The following KCNH4 variants were observed in gnomAD, a reference collection of about 807,000 sequenced individuals.
KCNH4 encodes the protein voltage-gated delayed rectifier potassium channel KCNH4.
KCNH4 carries 33 observed loss-of-function variants against 90.7 expected under a neutral mutation model. The observed-to-expected ratio is 0.36, with a 90% CI of 0.28 to 0.49. The LOEUF (loss-of-function observed/expected upper bound fraction) is 0.49, where lower values mean the gene tolerates loss of function less well. Among genes scored for constraint, KCNH4 ranks in the 20% least tolerant of loss-of-function variants. The pLI is 0.98. For missense variants in KCNH4, 1,044 were observed against 1,387.1 expected (o/e 0.75, Z 3.93); for synonymous variants, 551 against 581.7 (o/e 0.95, Z 0.76).
At chr17:42,168,623 G>A (rs931267359) in intron 9 of KCNH4, among the ~76,000 whole-genome samples, 6 of 151,922 alleles carry the variant, frequency 3.9e-5, no homozygotes, top group Non-Finnish European at 7.4e-5. Context: ...CAGCGTGGGC[G>A]ACAGAGCAAG....
chr17:42,166,462 C>G lies in KCNH4; in HGVS notation c.1675G>C (p.Ala559Pro). 1 of 1,614,104 alleles carries G rather than the reference C, an allele frequency of 6.2e-7. No homozygotes were observed. The highest frequency in any genetic ancestry group is 8.5e-7 in the Non-Finnish European group (1 of 1,179,986). ...REILQLPLFG[A>P]ASRGCLRALS... is the part of the protein sequence containing the mutation. ...GCCCGCAGGCAGCCCCTGCTCGCTG[C>G]CCCGAACAACGGCAGCTGCAGGATC... The change falls in exon 10 of 17, where the codon GCA (alanine) becomes CCA (proline). Residue 559 changes from alanine to proline, a missense_variant. Ala to Pro is a conservative substitution (Grantham distance 27, BLOSUM62 -1). This residue lies in a region of KCNH4 where 318 missense variants were observed against 479.6 expected (regional missense o/e 0.66). Transcript: ENST00000264661.
intron 2 of KCNH4, 38 bp downstream of exon 2, chr17:42,178,755 G>T: frequency 1.3e-6 from 2 of 1,555,674 alleles, no homozygotes; most frequent in Non-Finnish European, 8.8e-7. Flanking sequence ...AAGGCTAGGG[G>T]TCTAGGCAGA....
intron 1 of KCNH4, among the ~76,000 whole-genome samples, chr17:42,179,318 T>C (rs2079885723): frequency 6.6e-6 from 1 of 152,226 alleles, no homozygotes; most frequent in Non-Finnish European, 1.5e-5. Flanking sequence ...GCTGTCACTG[T>C]AGAAGGCAGT....
rs139637101 is a variant in KCNH4, at chr17:42,164,185, G to A, written c.2086-17C>T. Reference sequence around the variant, plus strand: ...GCTGAGGCCCTGTGGGGACATAGGAGAGTTCAAGCTGATTCCTGCCTTCCC... The same window carrying A: ...GCTGAGGCCCTGTGGGGACATAGGAAAGTTCAAGCTGATTCCTGCCTTCCC... On this transcript the variant is annotated splice_polypyrimidine_tract_variant and intron_variant, in intron 11 of 16. Coordinates refer to ENST00000264661, the MANE Select transcript of KCNH4 (RefSeq NM_012285.3). The A allele has an allele frequency of 1.3e-6, 2 of 1,540,356 alleles. No individual in the cohort carries two copies. The highest frequency in any genetic ancestry group is 1.8e-6 in the Non-Finnish European group (2 of 1,140,340).
At chr17:42,160,794 G>A (rs1224807598) in intron 15 of KCNH4, among the ~76,000 whole-genome samples, 2 of 152,170 alleles carry the variant, frequency 1.3e-5, no homozygotes, top group African/African-American at 2.4e-5. Context: ...ACACTTCAGC[G>A]ACTAGAGAAT....
At chr17:42,174,569 G>A (rs567643874) in intron 6 of KCNH4, among the ~76,000 whole-genome samples, 1 of 152,272 alleles carries the variant, frequency 6.6e-6, no homozygotes, top group East Asian at 1.9e-4. Flanking sequence ...CCCACAGCCC[G>A]TTGGCGGCTA....
In KCNH4 at chr17:42,176,122, TC is replaced by T; in HGVS notation, c.760del (p.Asp254MetfsTer23). On this transcript the variant is annotated frameshift_variant, in exon 5 of 17. Coordinates refer to ENST00000264661, the MANE Select transcript of KCNH4 (RefSeq NM_012285.3). LOFTEE classifies it high-confidence loss of function. Reference sequence around the variant, plus strand: ...GTGTCGCGAAGTGATGGGGGTGTCATCGTCACCCGAGAAACAGACATTGTAG... The same window carrying T: ...GTGTCGCGAAGTGATGGGGGTGTCATGTCACCCGAGAAACAGACATTGTAG... ...VPYNVCFSGD[D>X]DTPITSRHTL... The T allele has an allele frequency of 6.2e-7, 1 of 1,613,562 alleles. No individual in the cohort carries two copies. Among genetic ancestry groups the T allele is most frequent in the Non-Finnish European group, 8.5e-7 (1 of 1,179,730 alleles).
intron 16 of KCNH4, among the ~76,000 whole-genome samples, chr17:42,159,147 C>A (rs2079728268): frequency 1.3e-5 from 2 of 152,188 alleles, no homozygotes; most frequent in Admixed American, 6.5e-5. Flanking sequence ...CCTGCCTCAG[C>A]CTCCCGAGTA....
Position 42,180,960 on chromosome 17 carries a change from G to A in KCNH4, c.-15C>T, listed in dbSNP as rs1598280515. 6.2e-7 allele frequency: 1 copy of A among 1,609,862 alleles called. No individual in the cohort carries two copies. ...ATGACCGGCATGGCCCCGGGGCGTG[G>A]GTTCAAGGCGCGGCGCTGGGGAGCT... On this transcript the variant is annotated 5_prime_UTR_variant, in exon 1 of 17. Coordinates refer to ENST00000264661, the MANE Select transcript of KCNH4 (RefSeq NM_012285.3). The surrounding 1 kb of genome is among the most constrained non-coding windows in gnomAD (Gnocchi z 4.7).
Position 42,163,137 on chromosome 17 carries a change from G to T in KCNH4, c.2584+91C>A. ...TCTGTGTATTCCCAGGATGGCACCT[G>T]GCACATGGTAGGCCCCTACTACATA... On this transcript the variant is annotated intron_variant, in intron 14 of 16. Coordinates refer to ENST00000264661, the MANE Select transcript of KCNH4 (RefSeq NM_012285.3). The surrounding 1 kb of genome is among the most constrained non-coding windows in gnomAD (Gnocchi z 5.4). 1.1e-6 allele frequency: 1 copy of T among 884,120 alleles called. No homozygotes were observed. The highest frequency in any genetic ancestry group is 1.4e-5 in the South Asian group (1 of 71,458). The allele number at this position is 884,120 out of a possible 1,614,324, so 54.8% of individuals were successfully genotyped here.
Position 42,164,187 on chromosome 17 carries a change from G to A in KCNH4, c.2086-19C>T. 1.3e-6 allele frequency: 2 copies of A among 1,534,958 alleles called. No individual in the cohort carries two copies. Among genetic ancestry groups the A allele is most frequent in the Non-Finnish European group, 1.8e-6 (2 of 1,137,126 alleles). On this transcript the variant is annotated intron_variant, in intron 11 of 16. Transcript: ENST00000264661. ...TGAGGCCCTGTGGGGACATAGGAGA[G>A]TTCAAGCTGATTCCTGCCTTCCCGC...
rs774341470 is a variant in KCNH4, at chr17:42,180,833, A to G, written c.76+37T>C. The G allele has an allele frequency of 1.2e-6, 2 of 1,601,464 alleles. No homozygotes were observed. Among genetic ancestry groups the G allele is most frequent in the Non-Finnish European group, 1.7e-6 (2 of 1,169,030 alleles). ...ACGGCCCCGAGGATACTTGCCCCCC[A>G]GCTCGAACCTCAAGCCCCGACCTCC... On this transcript the variant is annotated intron_variant, in intron 1 of 16. Coordinates refer to ENST00000264661, the MANE Select transcript of KCNH4 (RefSeq NM_012285.3). The surrounding 1 kb of genome is among the most constrained non-coding windows in gnomAD (Gnocchi z 4.7).
intron 5 of KCNH4, 103 bp downstream of exon 5, chr17:42,175,951 G>A: frequency 7.3e-7 from 1 of 1,366,532 alleles, no homozygotes; most frequent in Non-Finnish European, 1.0e-6. Context: ...GAAAGGAAGG[G>A]GCTCTGAATG....
At position 42,180,358 on chromosome 17, in the gene KCNH4, G is replaced by C. The variant is rs1429949138; in HGVS notation, c.76+512C>G. On this transcript the variant is annotated intron_variant, in intron 1 of 16. Transcript: ENST00000264661. This position sits in a 1 kb window ranked among gnomAD's most constrained non-coding sequence, Gnocchi z 4.7. ...GGGAGTTCCCACCGTCGCACAGACC[G>C]CTCCCCTCCTCCTGCCTCACCCACC... is the stretch of plus-strand genomic sequence containing the variant. Among the ~76,000 whole-genome samples, 3 of 152,124 alleles carry C rather than the reference G, an allele frequency of 2.0e-5. No homozygotes were observed. The highest frequency in any genetic ancestry group is 4.4e-5 in the Non-Finnish European group (3 of 68,022).
intron 11 of KCNH4, among the ~76,000 whole-genome samples, chr17:42,165,236 G>C (rs1482936628): frequency 6.6e-6 from 1 of 152,044 alleles, no homozygotes; most frequent in Non-Finnish European, 1.5e-5. Context: ...GGAGTAGATG[G>C]CGATGAGAGA....
At chr17:42,168,190 C>A (rs1203728841) in intron 9 of KCNH4, among the ~76,000 whole-genome samples, 1 of 152,174 alleles carries the variant, frequency 6.6e-6, no homozygotes, top group Non-Finnish European at 1.5e-5. Flanking sequence ...TCCCTCAATA[C>A]TCTGGGTCTC....
chr17:42,161,753 C>T (rs2079750070), intron 15 of KCNH4, among the ~76,000 whole-genome samples: 1 of 152,194 alleles, frequency 6.6e-6, no homozygotes, highest in South Asian at 2.1e-4. Context: ...TACGGAGTGC[C>T]TATGACATGC....
At position 42,176,268 on chromosome 17, in the gene KCNH4, G is replaced by C. The variant is rs199997867; in HGVS notation, c.615C>G (p.Pro205=). ...NNVFEPKPSV[P]EYKVASVGGS... ...CCCCCACGGAGGCCACCTTGTACTC[G>C]GGCACTGATGGCTTTGGCTCAAACA... Residue 205 remains proline, a synonymous_variant, in exon 5 of 17, where the codon CCC becomes CCG. Coordinates refer to ENST00000264661, the MANE Select transcript of KCNH4 (RefSeq NM_012285.3). The C allele has an allele frequency of 1.1e-5, 18 of 1,613,500 alleles. No homozygotes were observed.
Position 42,160,224 on chromosome 17 carries a change from T to C in KCNH4, c.2870A>G (p.His957Arg). The change falls in exon 16 of 17, where the codon CAC becomes CGC. Residue 957 changes from histidine to arginine, a missense_variant. Coordinates refer to ENST00000264661, the MANE Select transcript of KCNH4 (RefSeq NM_012285.3). ...CATGGTCCCCACACTGGCTGGGCAG[T>C]GAACTTCAGCAAGCGTAGTATCCTG... ...SLQDTTLAEV[H>R]CPASVGTMET... is the part of the protein sequence containing the mutation. 6.2e-7 allele frequency: 1 copy of C among 1,614,036 alleles called. No individual in the cohort carries two copies. The highest frequency in any genetic ancestry group is 1.1e-5 in the South Asian group (1 of 91,082).
Sources: allele counts gnomAD v4.1 joint callset (sites outside exome capture counted in the v4.1 genomes callset), GRCh38; gene constraint gnomAD v4.1.1; regional missense constraint gnomAD v4.1.1; non-coding constraint Gnocchi (gnomAD v3.1); transcripts MANE v1.5; gene names NCBI Gene and HGNC (gene_info 2026-07-23, HGNC 2026-07-21).